Variants in SEMA3A observed in about 807,000 individuals in gnomAD.
SEMA3A encodes the protein semaphorin-3A.
SEMA3A carries 29 observed loss-of-function variants against 97.9 expected under a neutral mutation model. That is an observed-to-expected ratio of 0.30 (90% CI 0.22 to 0.40). The LOEUF (loss-of-function observed/expected upper bound fraction) is 0.40. Ranked by LOEUF, SEMA3A falls within the 10% of genes least tolerant of loss-of-function variation. SEMA3A has a pLI of 1.00. For synonymous variants in SEMA3A, 321 were observed against 323.7 expected (o/e 0.99, Z 0.09); for missense variants, 763 against 951.3 (o/e 0.80, Z 2.60).
At chr7:84,355,235 T>C (rs1802529288) in intron 2 of SEMA3A, among the ~76,000 whole-genome samples, 2 of 151,908 alleles carry the variant, frequency 1.3e-5, no homozygotes, top group Non-Finnish European at 2.9e-5. Context: ...TGTAGCATAC[T>C]ATGATTTCAT....
chr7:84,281,581 A>C (rs1299660379), intron 3 of SEMA3A, among the ~76,000 whole-genome samples: 1 of 152,152 alleles, frequency 6.6e-6, no homozygotes, highest in Non-Finnish European at 1.5e-5. Flanking sequence ...TTTTATTAAA[A>C]CTGTATTTTT....
At chr7:84,374,803 T>C (rs1362721141) in intron 1 of SEMA3A, among the ~76,000 whole-genome samples, 1 of 152,112 alleles carries the variant, frequency 6.6e-6, no homozygotes, top group African/African-American at 2.4e-5. Context: ...AGTAATTGTT[T>C]TTAAAGTATA....
intron 3 of SEMA3A, among the ~76,000 whole-genome samples, chr7:84,228,787 T>C (rs1279082108): frequency 6.6e-6 from 1 of 152,082 alleles, no homozygotes; most frequent in African/African-American, 2.4e-5. Context: ...AACCTTCCTG[T>C]CTGTTTTTCC....
intron 15 of SEMA3A, among the ~76,000 whole-genome samples, chr7:83,968,594 T>C (rs1279221285): frequency 6.6e-6 from 1 of 152,154 alleles, no homozygotes; most frequent in Non-Finnish European, 1.5e-5. Context: ...TTATAACTTC[T>C]TGGTAAATAT....
intron 2 of SEMA3A, among the ~76,000 whole-genome samples, chr7:84,348,039 T>G (rs970637932): frequency 1.4e-4 from 21 of 152,088 alleles, no homozygotes; most frequent in Non-Finnish European, 2.6e-4. Flanking sequence ...AGTGGGTGTG[T>G]GGGGGGCCAG....
At chr7:84,312,915 T>TACACAC (rs1186737768) in intron 2 of SEMA3A, among the ~76,000 whole-genome samples, 8 of 43,564 alleles carry the variant, frequency 1.8e-4, no homozygotes, top group South Asian at 1.6e-3. Flanking sequence ...TATATATATA[T>TACACAC]ATATATACAC....
chr7:84,340,521 G>A (rs1418882939), intron 2 of SEMA3A, among the ~76,000 whole-genome samples: 1 of 152,130 alleles, frequency 6.6e-6, no homozygotes, highest in Non-Finnish European at 1.5e-5. Context: ...GCTCACGCCT[G>A]TAATCCCAGC....
intron 5 of SEMA3A, among the ~76,000 whole-genome samples, chr7:84,051,898 T>A (rs1403313692): frequency 6.7e-6 from 1 of 150,086 alleles, no homozygotes; most frequent in African/African-American, 2.4e-5. Flanking sequence ...AATACCTAAT[T>A]TATTGAGAGT....
rs1056610980 is a variant in SEMA3A, at chr7:84,099,170, A to C, written c.453+11300T>G. Among the ~76,000 whole-genome samples, 2 of 105,622 alleles carry C rather than the reference A, an allele frequency of 1.9e-5. 1 individual carries two copies. The highest frequency in any genetic ancestry group is 4.4e-5 in the Non-Finnish European group (2 of 45,688). The allele number at this position is 105,622 out of a possible 152,430, so 69.3% of individuals were successfully genotyped here. On this transcript the variant is annotated intron_variant, in intron 4 of 16. Coordinates refer to ENST00000265362, the MANE Select transcript of SEMA3A (RefSeq NM_006080.3). Reference sequence around the variant, plus strand: ...ACTGCAAGCTCCGCCTCCCGGGTTCACGCCATTCTCCTGCCTCAGCCTCCC... The same window carrying C: ...ACTGCAAGCTCCGCCTCCCGGGTTCCCGCCATTCTCCTGCCTCAGCCTCCC...
intron 1 of SEMA3A, among the ~76,000 whole-genome samples, chr7:84,470,990 G>C (rs1424945600): frequency 6.6e-6 from 1 of 152,104 alleles, no homozygotes; most frequent in Non-Finnish European, 1.5e-5. Flanking sequence ...GAATAAAAGA[G>C]AGATGGGCCT....
At chr7:84,389,392 C>T (rs577350478) in intron 1 of SEMA3A, among the ~76,000 whole-genome samples, 3 of 152,162 alleles carry the variant, frequency 2.0e-5, no homozygotes, top group African/African-American at 7.2e-5. Flanking sequence ...TAATGATGCA[C>T]CCTGAGAGTG....
chr7:83,980,639 T>TATACACAC (rs376148779), intron 14 of SEMA3A, among the ~76,000 whole-genome samples: 3 of 88,462 alleles, frequency 3.4e-5, no homozygotes, highest in South Asian at 3.7e-4. Context: ...TATATATATA[T>TATACACAC]ACACACACAC....
intron 3 of SEMA3A, among the ~76,000 whole-genome samples, chr7:84,252,926 T>A (rs1799641454): frequency 6.6e-6 from 1 of 152,170 alleles, no homozygotes; most frequent in Non-Finnish European, 1.5e-5. Context: ...TCGCCCAGGC[T>A]GGAGTGCAGT....
intron 15 of SEMA3A, among the ~76,000 whole-genome samples, chr7:83,964,224 ACTC>A (rs1258051023): frequency 2.0e-5 from 3 of 151,908 alleles, no homozygotes; most frequent in Non-Finnish European, 4.4e-5. Context: ...AGAGAACAAA[ACTC>A]CTTCTTATCT....
At chr7:84,217,902 A>G (rs977584380) in intron 3 of SEMA3A, among the ~76,000 whole-genome samples, 3 of 152,124 alleles carry the variant, frequency 2.0e-5, no homozygotes, top group Non-Finnish European at 4.4e-5. Flanking sequence ...GTAACAAAGT[A>G]AGACGCCATC....
At chr7:84,145,445 TA>T (rs1174167474) in intron 1 of SEMA3A, among the ~76,000 whole-genome samples, 4 of 152,134 alleles carry the variant, frequency 2.6e-5, no homozygotes, top group Non-Finnish European at 5.9e-5. Context: ...TTAGAAAAAG[TA>T]AATATAAAAA....
chr7:84,273,855 G>A (rs555870175), intron 3 of SEMA3A, among the ~76,000 whole-genome samples: 1 of 151,842 alleles, frequency 6.6e-6, no homozygotes, highest in East Asian at 1.9e-4. Context: ...ATATTACAGG[G>A]TTATTTAATT....
chr7:84,117,885 G>T (rs1795482918), intron 3 of SEMA3A, among the ~76,000 whole-genome samples: 1 of 152,150 alleles, frequency 6.6e-6, no homozygotes, highest in Non-Finnish European at 1.5e-5. Flanking sequence ...TGAGATTAAT[G>T]ATATATTCAT....
intron 2 of SEMA3A, among the ~76,000 whole-genome samples, chr7:84,317,457 T>C (rs568172907): frequency 3.3e-5 from 5 of 152,336 alleles, no homozygotes; most frequent in East Asian, 1.9e-4. Flanking sequence ...AGGCTTTTTA[T>C]ATGTGTGTGG....
Sources: gnomAD v4.1 joint callset for allele counts (sites outside exome capture counted in the v4.1 genomes callset) on GRCh38, gnomAD v4.1.1 for gene constraint, MANE v1.5 for transcripts, NCBI Gene and HGNC (gene_info 2026-07-23, HGNC 2026-07-21) for gene names.